The following ZNF596 variants were observed in gnomAD, a reference collection of about 807,000 sequenced individuals.
ZNF596 encodes zinc finger protein 596.
ZNF596 carries 45 observed loss-of-function variants against 48.3 expected under a neutral mutation model. The observed-to-expected ratio is 0.93, with a 90% CI of 0.73 to 1.19. The LOEUF (loss-of-function observed/expected upper bound fraction) is 1.19, where lower values mean the gene tolerates loss of function less well. Ranked by LOEUF, ZNF596 falls within the 50% of genes most tolerant of loss-of-function variation. ZNF596 has a pLI of 0.00. For synonymous variants in ZNF596, 270 were observed against 202.0 expected (o/e 1.34, Z -2.85); for missense variants, 848 against 599.7 (o/e 1.41, Z -4.32).
intron 1 of ZNF596, chr8:234,794 G>GA (rs1413726000): frequency 6.6e-6 from 1 of 152,224 alleles, no homozygotes; most frequent in African/African-American, 2.4e-5. Flanking sequence ...GATCATATGG[G>GA]AAGGGCTTCA....
Position 244,781 on chromosome 8 carries a change from C to A in ZNF596, c.306+80C>A. ...CAACTTTGGAATTTGGTACAGGTACCTGACTGTACTTAAAGCCCTCCCAGC... is the reference window on the plus strand; with the variant it reads ...CAACTTTGGAATTTGGTACAGGTACATGACTGTACTTAAAGCCCTCCCAGC... On this transcript the variant is annotated intron_variant, in intron 5 of 5. Coordinates refer to ENST00000398612, the MANE Select transcript of ZNF596 (RefSeq NM_001042416.3). The A allele has an allele frequency of 2.6e-6, 3 of 1,143,034 alleles. No homozygotes were observed. The East Asian group carries it at 7.2e-5, about 28-fold the overall frequency. The allele number at this position is 1,143,034 out of a possible 1,614,324, so 70.8% of individuals were successfully genotyped here.
Position 245,623 on chromosome 8 carries a change from C to T in ZNF596, c.776C>T (p.Ala259Val), listed in dbSNP as rs1381303406. ...TATGGATGTCATCTATGTGGGAAAG[C>T]CTTCAGTAAAAGTTCTAACCTTAGA... is the stretch of plus-strand genomic sequence containing the variant. ...KPYGCHLCGK[A>V]FSKSSNLRRH... Residue 259 changes from alanine to valine, a missense_variant, in exon 6 of 6, where the codon GCC (alanine) becomes GTC (valine). Ala to Val is a moderately conservative substitution (Grantham distance 64). Coordinates refer to ENST00000398612, the MANE Select transcript of ZNF596 (RefSeq NM_001042416.3). 2 of 1,613,956 alleles carry T rather than the reference C, an allele frequency of 1.2e-6. No individual in the cohort carries two copies. The highest frequency in any genetic ancestry group is 2.2e-5 in the East Asian group (1 of 44,844).
intron 2 of ZNF596, 22 bp downstream of exon 2, chr8:240,929 C>G: frequency 4.3e-6 from 7 of 1,613,966 alleles, no homozygotes; most frequent in Non-Finnish European, 5.9e-6. Context: ...ATTCTTCTTT[C>G]TACTGAAATT....
At chr8:244,746 G>A (rs759282499) in intron 5 of ZNF596, 45 bp downstream of exon 5, 1 of 1,523,156 alleles carries the variant, frequency 6.6e-7, no homozygotes, top group Non-Finnish European at 9.0e-7. Flanking sequence ...ATAGAAACCT[G>A]GACATTAAAC....
Position 245,461 on chromosome 8 carries a change from G to C in ZNF596, c.614G>C (p.Ser205Thr). ...TGTCGTGTGTGTGGGAAAACCTTTAGCAAAAATTCTAATCTTAGGCGACAT... is the reference window on the plus strand; with the variant it reads ...TGTCGTGTGTGTGGGAAAACCTTTACCAAAAATTCTAATCTTAGGCGACAT... ...LECRVCGKTF[S>T]KNSNLRRHEM... Residue 205 changes from serine to threonine, a missense_variant, in exon 6 of 6, where the codon AGC becomes ACC. By Grantham distance (58) the Ser-to-Thr change is moderately conservative. Transcript: ENST00000398612. The C allele has an allele frequency of 6.2e-7, 1 of 1,614,176 alleles. No homozygotes were observed. Among genetic ancestry groups the C allele is most frequent in the Non-Finnish European group, 8.5e-7 (1 of 1,180,016 alleles).
chr8:236,502 G>C (rs887801887), intron 1 of ZNF596, among the ~76,000 whole-genome samples: 1 of 152,078 alleles, frequency 6.6e-6, no homozygotes, highest in Non-Finnish European at 1.5e-5. Context: ...CTTACCTTTA[G>C]TGGAAATGGT....
rs1797112635 is a variant in ZNF596 at position 246,919 on chromosome 8, T to C, written c.*557T>C. The stretch of plus-strand genomic sequence containing the variant: ...GGAGAAGTTATTCAATGAAAACTCA[T>C]GAGAAATCCTTTTCTTAATACAGCA... On this transcript the variant is annotated 3_prime_UTR_variant, in exon 6 of 6. Coordinates refer to ENST00000398612, the MANE Select transcript of ZNF596 (RefSeq NM_001042416.3). 6.5e-6 allele frequency: 1 copy of C among 153,844 alleles called. No homozygotes were observed. Among genetic ancestry groups the C allele is most frequent in the Non-Finnish European group, 1.4e-5 (1 of 69,144 alleles). 9.5% of individuals were successfully genotyped at this position (153,844 alleles called of 1,614,324 possible).
Position 246,509 on chromosome 8 carries a change from T to A in ZNF596, c.*147T>A. On this transcript the variant is annotated 3_prime_UTR_variant, in exon 6 of 6. Transcript: ENST00000398612. ...GAATTCAAGGTAGAGAGAATCCAGA[T>A]GTATTTAATGTTTATGGCACAAACT... The A allele has an allele frequency of 9.8e-7, 1 of 1,024,676 alleles. No homozygotes were observed. The highest frequency in any genetic ancestry group is 2.6e-5 in the East Asian group (1 of 38,850). The allele number at this position is 1,024,676 out of a possible 1,614,324, so 63.5% of individuals were successfully genotyped here. A position where few individuals can be genotyped will look rare whatever the true frequency, so the allele number is the denominator to read the frequency against.
At chr8:243,164 A>G (rs893822966) in intron 3 of ZNF596, 151 bp downstream of exon 3, 4 of 575,060 alleles carry the variant, frequency 7.0e-6, no homozygotes, top group African/African-American at 5.8e-5. Context: ...AACTCTCACA[A>G]TTACCTGACA....
Position 242,928 on chromosome 8 carries a change from A to G in ZNF596, c.54A>G (p.Gln18=), listed in dbSNP as rs764346566. 1.7e-5 allele frequency: 27 copies of G among 1,600,832 alleles called. No homozygotes were observed. Among genetic ancestry groups the G allele is most frequent in the Admixed American group, 5.1e-5 (3 of 58,928 alleles). The change falls in exon 3 of 6, where the codon CAA becomes CAG. Residue 18 remains glutamine, a synonymous_variant. Coordinates refer to ENST00000398612, the MANE Select transcript of ZNF596 (RefSeq NM_001042416.3). ...AGGATATCATTGTAGACTTCACTCA[A>G]GAAGAGTGGGCCCTGCTGGACACAT... ...TFEDIIVDFT[Q]EEWALLDTSQ...
chr8:246,068 A>G lies in ZNF596; in HGVS notation c.1221A>G (p.Arg407=). Residue 407 remains arginine, a synonymous_variant, in exon 6 of 6, where the codon AGA becomes AGG. Coordinates refer to ENST00000398612, the MANE Select transcript of ZNF596 (RefSeq NM_001042416.3). ...GKAFTESSDL[R]RHERTHTGEK... ...CCTTCACTGAATCTTCTGACCTCAG[A>G]CGACATGAGAGAACTCACACTGGAG... 1 of 1,613,998 alleles carries G rather than the reference A, an allele frequency of 6.2e-7. No individual in the cohort carries two copies. The highest frequency in any genetic ancestry group is 1.1e-5 in the South Asian group (1 of 91,082).
In ZNF596 at chr8:244,693, A is replaced by T. The variant is rs1277069390; in HGVS notation, c.298A>T (p.Ser100Cys). ...CTATCAGAAGGGCACGTCCACCATC[A>T]GCACAATGGTAAGCTTTATGGATGC... ...HIYQKGTSTI[S>C]TMRSHTQEDP... Residue 100 changes from serine to cysteine, a missense_variant, in exon 5 of 6, where the codon AGC (serine) becomes TGC (cysteine). Physicochemically the swap from Ser to Cys is moderately radical, Grantham distance 112. Coordinates refer to ENST00000398612, the MANE Select transcript of ZNF596 (RefSeq NM_001042416.3). The T allele has an allele frequency of 6.2e-6, 10 of 1,612,480 alleles. No individual in the cohort carries two copies. The Admixed American group carries it at 1.5e-4, about 24-fold the overall frequency.
chr8:242,462 C>A (rs900367379), intron 2 of ZNF596, among the ~76,000 whole-genome samples: 5 of 147,784 alleles, frequency 3.4e-5, no homozygotes, highest in African/African-American at 1.3e-4. Context: ...CACTGAGGTC[C>A]TATAGTGGAA....
At chr8:243,672 C>A (rs1209731458) in intron 3 of ZNF596, 50 bp from the exon 4 acceptor site, 2 of 1,584,236 alleles carry the variant, frequency 1.3e-6, no homozygotes, top group Non-Finnish European at 8.7e-7. Context: ...TAACCTTGTA[C>A]ATTTGTCAGC....
intron 1 of ZNF596, chr8:233,032 C>G: frequency 2.1e-6 from 1 of 468,444 alleles, no homozygotes; most frequent in South Asian, 1.5e-5. Flanking sequence ...TCTTCATTGC[C>G]TCGCTGTGGA....
chr8:246,081 A>T lies in ZNF596; in HGVS notation c.1234A>T (p.Thr412Ser). Reference sequence around the variant, plus strand: ...TTCTGACCTCAGACGACATGAGAGAACTCACACTGGAGAAAAACCATATGA... The same window carrying T: ...TTCTGACCTCAGACGACATGAGAGATCTCACACTGGAGAAAAACCATATGA... Reference protein sequence around the residue: ...ESSDLRRHERTHTGEKPYECH... With the variant: ...ESSDLRRHERSHTGEKPYECH... Residue 412 changes from threonine (T) to serine (S), a missense_variant, in exon 6 of 6, where the codon ACT becomes TCT. Physicochemically the swap from Thr to Ser is moderately conservative, Grantham distance 58 (BLOSUM62 1). Transcript: ENST00000398612. 6.2e-7 allele frequency: 1 copy of T among 1,614,002 alleles called. No homozygotes were observed. Among genetic ancestry groups the T allele is most frequent in the Non-Finnish European group, 8.5e-7 (1 of 1,179,860 alleles).
At chr8:241,953 A>G (rs749749394) in intron 2 of ZNF596, among the ~76,000 whole-genome samples, 4 of 152,142 alleles carry the variant, frequency 2.6e-5, no homozygotes, top group Non-Finnish European at 4.4e-5. Context: ...AAATCATCAG[A>G]TCTTCTGAGA....
At chr8:239,658 G>C (rs979229954) in intron 1 of ZNF596, among the ~76,000 whole-genome samples, 1 of 152,210 alleles carries the variant, frequency 6.6e-6, no homozygotes, top group East Asian at 1.9e-4. Flanking sequence ...CTTAGGTTTA[G>C]GAGGTCTGTC....
rs561651635 is a variant in ZNF596 at position 234,495 on chromosome 8, T to C, written c.-73+1801T>C. On this transcript the variant is annotated intron_variant, in intron 1 of 5. Coordinates refer to ENST00000398612, the MANE Select transcript of ZNF596 (RefSeq NM_001042416.3). ...TGTTGATGAGAGGTCCTGAAATGCA[T>C]TTTCCTAATACTCAGCAGGGGCTTC... 42 of 152,266 alleles carry C rather than the reference T, an allele frequency of 2.8e-4. 1 individual carries two copies. Among genetic ancestry groups the C allele is most frequent in the Admixed American group, 2.4e-3 (37 of 15,294 alleles). 9.4% of individuals were successfully genotyped at this position (152,266 alleles called of 1,614,324 possible).
Sources: allele counts gnomAD v4.1 joint callset (sites outside exome capture counted in the v4.1 genomes callset), GRCh38; gene constraint gnomAD v4.1.1; transcripts MANE v1.5; gene names NCBI Gene and HGNC (gene_info 2026-07-23, HGNC 2026-07-21).